RBBP8: variants seen among roughly 807,000 people sequenced by gnomAD.
RBBP8 encodes the protein RB binding protein 8, endonuclease, also known as DNA endonuclease RBBP8.
Under a neutral mutation model 108.3 loss-of-function variants are expected in RBBP8, and 88 were observed. The ratio of observed to expected loss-of-function variants is 0.81; its 90% CI spans 0.68 to 0.97. RBBP8 has a LOEUF of 0.97. Among genes scored for constraint, RBBP8 ranks in the 50% least tolerant of loss-of-function variants. The pLI, the probability that RBBP8 is intolerant of heterozygous loss-of-function variation, is 0.00. For missense variants in RBBP8, 1,023 were observed against 1,049.0 expected (o/e 0.98, Z 0.34); for synonymous variants, 332 against 348.2 (o/e 0.95, Z 0.52).
chr18:23,018,721 A>G (rs2046303024), intron 17 of RBBP8, among the ~76,000 whole-genome samples: 1 of 152,164 alleles, frequency 6.6e-6, no homozygotes, highest in Non-Finnish European at 1.5e-5. Flanking sequence ...TTTCCTGAAT[A>G]TTTTTGATCC....
chr18:22,924,652 G>T (rs376436209), intron 3 of RBBP8, among the ~76,000 whole-genome samples: 22 of 150,722 alleles, frequency 1.5e-4, no homozygotes, highest in Non-Finnish European at 2.5e-4. Flanking sequence ...CAAACTTCTG[G>T]GCTCAAGTGA....
At chr18:22,926,800 A>G (rs551159653) in intron 3 of RBBP8, among the ~76,000 whole-genome samples, 15 of 152,240 alleles carry the variant, frequency 9.9e-5, no homozygotes, top group Non-Finnish European at 1.9e-4. Flanking sequence ...AAAGCAAGGT[A>G]TACTCTTTAA....
chr18:22,984,646 A>G (rs1915190932), intron 7 of RBBP8, among the ~76,000 whole-genome samples: 1 of 152,194 alleles, frequency 6.6e-6, no homozygotes, highest in Non-Finnish European at 1.5e-5. Context: ...GGGTTAGAAG[A>G]AGCTGTCTGT....
intron 4 of RBBP8, among the ~76,000 whole-genome samples, chr18:22,964,877 ACAT>A (rs527780463): frequency 8.3e-4 from 127 of 152,162 alleles, no homozygotes; most frequent in Non-Finnish European, 1.4e-3. Flanking sequence ...TATAGTTTTC[ACAT>A]CATTTCTTAC....
chr18:22,968,186 C>T (rs1456142180), intron 4 of RBBP8, among the ~76,000 whole-genome samples: 1 of 151,862 alleles, frequency 6.6e-6, no homozygotes, highest in Non-Finnish European at 1.5e-5. Context: ...GATTCTTCTG[C>T]CTCAGCCTCC....
chr18:22,982,912 A>G (rs954129739), intron 7 of RBBP8, among the ~76,000 whole-genome samples: 1 of 152,210 alleles, frequency 6.6e-6, no homozygotes, highest in Non-Finnish European at 1.5e-5. Context: ...TCAAATACAG[A>G]TCTTCTTAGC....
At position 22,954,657 on chromosome 18, in the gene RBBP8, G is replaced by A. The variant is rs532027122; in HGVS notation, c.248+4944G>A. Among the ~76,000 whole-genome samples, 6 of 152,282 alleles carry A rather than the reference G, an allele frequency of 3.9e-5. No homozygotes were observed. The East Asian group carries it at 5.8e-4, about 15-fold the overall frequency. On this transcript the variant is annotated intron_variant, in intron 4 of 18. Coordinates refer to ENST00000327155, the MANE Select transcript of RBBP8 (RefSeq NM_002894.3). ...TTCTGGGGTCTGGAGGATGATGGCC[G>A]TCTTATTACAGCTCCACTAGACAGT... is the stretch of plus-strand genomic sequence containing the variant.
upstream of RBBP8, among the ~76,000 whole-genome samples, chr18:22,930,212 ATTT>A (rs1412586536): frequency 6.6e-4 from 100 of 152,342 alleles, no homozygotes; most frequent in African/African-American, 2.3e-3. Flanking sequence ...TCACTAGTTT[ATTT>A]AAATTCAGCA....
At chr18:22,936,644 G>T in intron 1 of RBBP8, 110 bp from the exon 2 acceptor site, 1 of 568,132 alleles carries the variant, frequency 1.8e-6, no homozygotes, top group East Asian at 3.1e-5. Flanking sequence ...ATTGATTATA[G>T]GTAAATAAGG....
intron 3 of RBBP8, among the ~76,000 whole-genome samples, chr18:22,923,149 T>C (rs1167488580): frequency 2.0e-5 from 3 of 152,214 alleles, no homozygotes; most frequent in Admixed American, 6.5e-5. Flanking sequence ...TATATATATA[T>C]ATCTTCTCTC....
intron 5 of RBBP8, among the ~76,000 whole-genome samples, chr18:22,970,631 G>A (rs1914005566): frequency 6.6e-6 from 1 of 152,126 alleles, no homozygotes; most frequent in Non-Finnish European, 1.5e-5. Flanking sequence ...GGCATTCCCT[G>A]TTACTGTTCC....
intron 17 of RBBP8, among the ~76,000 whole-genome samples, chr18:23,020,663 C>T (rs1404125680): frequency 6.6e-6 from 1 of 151,816 alleles, no homozygotes; most frequent in African/African-American, 2.4e-5. Context: ...ATTGTCTTCC[C>T]ATCCCACTAA....
intron 2 of RBBP8, among the ~76,000 whole-genome samples, chr18:22,939,410 G>A (rs1251681771): frequency 6.6e-6 from 1 of 152,108 alleles, no homozygotes; most frequent in African/African-American, 2.4e-5. Context: ...GGAAGGCTGA[G>A]GCAGGAGAAT....
chr18:22,991,090 T>C, intron 10 of RBBP8, 41 bp downstream of exon 10: 1 of 1,323,610 alleles, frequency 7.6e-7, no homozygotes, highest in African/African-American at 1.5e-5. Context: ...AAGCTATTGG[T>C]GAGATCCCAT....
In RBBP8 at chr18:22,991,079, T is replaced by G. The variant is rs370026561; in HGVS notation, c.920+30T>G. On this transcript the variant is annotated intron_variant, in intron 10 of 18. Coordinates refer to ENST00000327155, the MANE Select transcript of RBBP8 (RefSeq NM_002894.3). ...TTAAGGGCACGTTGGTGAAAACTGATAAGCTATTGGTGAGATCCCATTACA... is the reference window on the plus strand; with the variant it reads ...TTAAGGGCACGTTGGTGAAAACTGAGAAGCTATTGGTGAGATCCCATTACA... 18 of 1,459,354 alleles carry G rather than the reference T, an allele frequency of 1.2e-5. No homozygotes were observed. The African/African-American group carries it at 2.2e-4, about 18-fold the overall frequency. The allele number at this position is 1,459,354 out of a possible 1,614,324, so 90.4% of individuals were successfully genotyped here.
In RBBP8 at chr18:22,956,769, A is replaced by G. The variant is rs543682975; in HGVS notation, c.248+7056A>G. Among the ~76,000 whole-genome samples the G allele has an allele frequency of 2.1e-4, 32 of 152,338 alleles. No homozygotes were observed. The South Asian group carries it at 6.0e-3, about 29-fold the overall frequency. On this transcript the variant is annotated intron_variant, in intron 4 of 18. Transcript: ENST00000327155. ...CCTAGTAAAAGTAAATTAGATAATAAAAAGTTCTAAGTTCTAATTTTATGT... is the reference window on the plus strand; with the variant it reads ...CCTAGTAAAAGTAAATTAGATAATAGAAAGTTCTAAGTTCTAATTTTATGT...
intron 6 of RBBP8, among the ~76,000 whole-genome samples, chr18:22,978,214 T>C (rs1283750178): frequency 6.6e-6 from 1 of 152,190 alleles, no homozygotes; most frequent in Non-Finnish European, 1.5e-5. Context: ...TATAGGTCTT[T>C]AGGGAAGAAA....
Position 22,991,012 on chromosome 18 carries a change from T to C in RBBP8, c.883T>C (p.Phe295Leu). The C allele has an allele frequency of 6.2e-7, 1 of 1,613,540 alleles. No individual in the cohort carries two copies. Among genetic ancestry groups the C allele is most frequent in the Non-Finnish European group, 8.5e-7 (1 of 1,179,628 alleles). ...GGAAGGAAATCACAAGAAACAGCCT[T>C]TTGAGGAATCTACAAGAAATACTGA... ...CLEGNHKKQPFEESTRNTEDS... is the reference protein window; with the variant it reads ...CLEGNHKKQPLEESTRNTEDS... Residue 295 changes from phenylalanine to leucine, a missense_variant, in exon 10 of 19, where the codon TTT (phenylalanine) becomes CTT (leucine). By Grantham distance (22) the Phe-to-Leu change is conservative. Transcript: ENST00000327155.
intron 3 of RBBP8, among the ~76,000 whole-genome samples, chr18:22,921,241 A>G (rs981335196): frequency 6.6e-6 from 1 of 152,180 alleles, no homozygotes; most frequent in Admixed American, 6.5e-5. Flanking sequence ...TTCATCCTTG[A>G]GTTCATCCAC....
Sources: gnomAD v4.1 joint callset for allele counts (sites outside exome capture counted in the v4.1 genomes callset) on GRCh38, gnomAD v4.1.1 for gene constraint, MANE v1.5 for transcripts, NCBI Gene and HGNC (gene_info 2026-07-23, HGNC 2026-07-21) for gene names.